Variants in FBXO27 observed in about 807,000 individuals in gnomAD.
The protein encoded by FBXO27 is F-box protein 27.
In FBXO27, 28 loss-of-function variants were observed where a neutral mutation model predicts 28.3. The ratio of observed to expected loss-of-function variants is 0.99; its 90% CI spans 0.73 to 1.36. The LOEUF (loss-of-function observed/expected upper bound fraction) is 1.36. FBXO27 is among the 40% of genes most tolerant of loss of function. The probability of loss-of-function intolerance (pLI) is 0.00; values close to 1 mark genes in which losing one functional copy is unlikely to be tolerated. For synonymous variants in FBXO27, 175 were observed against 167.3 expected (o/e 1.05, Z -0.36); for missense variants, 388 against 394.1 (o/e 0.98, Z 0.13).
intron 1 of FBXO27, among the ~76,000 whole-genome samples, chr19:39,015,841 C>T (rs190154268): frequency 1.3e-5 from 2 of 152,018 alleles, no homozygotes; most frequent in East Asian, 1.9e-4. Context: ...GAGGCTCAGG[C>T]GGGTAGATCG....
chr19:39,030,915 C>G, intron 4 of FBXO27, 114 bp downstream of exon 4: 1 of 906,056 alleles, frequency 1.1e-6, no homozygotes, highest in Non-Finnish European at 1.8e-6. Context: ...GCCTGAACTT[C>G]AGATTTTTTA....
intron 2 of FBXO27, 111 bp from the exon 3 acceptor site, chr19:39,031,431 G>T: frequency 2.1e-6 from 2 of 941,504 alleles, no homozygotes; most frequent in South Asian, 1.6e-5. Flanking sequence ...TCACTCACCT[G>T]ACCCTTCCCA....
At position 39,031,889 on chromosome 19, in the gene FBXO27, G is replaced by T; in HGVS notation, c.339C>A (p.Asn113Lys). Residue 113 changes from asparagine (N) to lysine (K), a missense_variant, in exon 2 of 6, where the codon AAC becomes AAA. Coordinates refer to ENST00000292853, the MANE Select transcript of FBXO27 (RefSeq NM_178820.5). The stretch of plus-strand genomic sequence containing the variant: ...CTTGGCCGCAGGGGTTGCGAATAAG[G>T]TTGCGTCCGATGGGTCTGCGCGCGC... ...RFCARRPIGR[N>K]LIRNPCGQEG... The T allele has an allele frequency of 6.7e-7, 1 of 1,496,486 alleles. No individual in the cohort carries two copies. 92.7% of individuals were successfully genotyped at this position (1,496,486 alleles called of 1,614,324 possible).
intron 2 of FBXO27, among the ~76,000 whole-genome samples, chr19:39,011,699 AG>A (rs1045189775): frequency 4.0e-3 from 32 of 8,070 alleles, no homozygotes; most frequent in East Asian, 0.033. Flanking sequence ...GCGGCGGGGG[AG>A]GGGGGGTCTC....
downstream of FBXO27, among the ~76,000 whole-genome samples, chr19:39,021,604 G>A (rs543312378): frequency 2.6e-5 from 4 of 152,064 alleles, no homozygotes; most frequent in Admixed American, 6.6e-5. Flanking sequence ...TGTTATCAGC[G>A]AGGCTTCTGG....
At chr19:39,031,399 T>TC (rs2072902623) in intron 2 of FBXO27, 79 bp from the exon 3 acceptor site, 1 of 1,234,262 alleles carries the variant, frequency 8.1e-7, no homozygotes, top group African/African-American at 2.0e-5. Context: ...CCCTAGCCCC[T>TC]CCCACGTGCT....
chr19:39,009,893 T>G (rs990360985), intron 2 of FBXO27, among the ~76,000 whole-genome samples: 1 of 151,948 alleles, frequency 6.6e-6, no homozygotes, highest in Non-Finnish European at 1.5e-5. Flanking sequence ...CATTGCAACC[T>G]GCGTCCCCTG....
chr19:39,021,372 A>G (rs566087220), downstream of FBXO27, among the ~76,000 whole-genome samples: 8 of 152,168 alleles, frequency 5.3e-5, no homozygotes, highest in African/African-American at 1.9e-4. Context: ...CACTTTTGCC[A>G]CCTCTAAGAC....
At chr19:39,010,947 C>T (rs536802450) in intron 2 of FBXO27, among the ~76,000 whole-genome samples, 55 of 152,328 alleles carry the variant, frequency 3.6e-4, no homozygotes, top group Admixed American at 1.3e-3. Flanking sequence ...GCTCACTTGT[C>T]CAACATTACT....
Position 39,032,506 on chromosome 19 carries a change from G to A in FBXO27, c.-30C>T, listed in dbSNP as rs561342976. ...GACACCGCACCCCAAGTCCTACCCC[G>A]GGGCCTGGCGGCGCTCCTCGCCGGG... is the stretch of plus-strand genomic sequence containing the variant. On this transcript the variant is annotated 5_prime_UTR_variant, in exon 1 of 6. Coordinates refer to ENST00000292853, the MANE Select transcript of FBXO27 (RefSeq NM_178820.5). The surrounding 1 kb of genome is among the most constrained non-coding windows in gnomAD (Gnocchi z 4.7). The A allele has an allele frequency of 1.6e-5, 6 of 380,966 alleles. No homozygotes were observed. The South Asian group carries it at 2.5e-4, about 16-fold the overall frequency. 23.6% of individuals were successfully genotyped at this position (380,966 alleles called of 1,614,324 possible).
intron 2 of FBXO27, among the ~76,000 whole-genome samples, chr19:39,007,529 G>A (rs1305803459): frequency 1.3e-5 from 2 of 152,094 alleles, no homozygotes; most frequent in African/African-American, 4.8e-5. Context: ...TTGGGAGGAG[G>A]GGAAAGTTCT....
chr19:39,020,378 A>G (rs2072839526), downstream of FBXO27, among the ~76,000 whole-genome samples: 2 of 152,064 alleles, frequency 1.3e-5, no homozygotes, highest in South Asian at 4.1e-4. Flanking sequence ...TTACTTTGAT[A>G]TTAGACAGTG....
intron 2 of FBXO27, among the ~76,000 whole-genome samples, chr19:39,011,364 G>A (rs1004304324): frequency 1.3e-5 from 2 of 152,164 alleles, no homozygotes; most frequent in Non-Finnish European, 2.9e-5. Context: ...CCTGGGAGGC[G>A]GAGGTTGCAG....
intron 2 of FBXO27, among the ~76,000 whole-genome samples, chr19:39,013,666 A>G (rs1297292027): frequency 6.6e-6 from 1 of 151,454 alleles, no homozygotes; most frequent in Non-Finnish European, 1.5e-5. Context: ...AATAAAAAGA[A>G]AGAAATATAG....
chr19:39,025,895 G>A (rs1037033060), intron 5 of FBXO27, among the ~76,000 whole-genome samples: 11 of 152,098 alleles, frequency 7.2e-5, no homozygotes, highest in African/African-American at 2.7e-4. Flanking sequence ...GCACGTGCCT[G>A]TAGTCCCATC....
At chr19:39,031,384 C>G in intron 2 of FBXO27, 64 bp from the exon 3 acceptor site, 3 of 1,477,076 alleles carry the variant, frequency 2.0e-6, no homozygotes, top group Non-Finnish European at 2.8e-6. Flanking sequence ...CTAGTGAGAC[C>G]CCGCCCCTAG....
chr19:39,019,487 A>C, downstream of FBXO27, among the ~76,000 whole-genome samples: 1 of 145,484 alleles, frequency 6.9e-6, no homozygotes, highest in Admixed American at 7.1e-5. Context: ...ACATACCTAT[A>C]GACTCTAATA....
chr19:39,032,272 C>A lies in FBXO27; in HGVS notation c.-26-19G>T. Reference sequence around the variant, plus strand: ...GCTGTGGCTGCGGGAGAGGAAGGGTCAAGGCGTCAGGGACCAGCAGCCTCC... The same window carrying A: ...GCTGTGGCTGCGGGAGAGGAAGGGTAAAGGCGTCAGGGACCAGCAGCCTCC... On this transcript the variant is annotated intron_variant, in intron 1 of 5. Coordinates refer to ENST00000292853, the MANE Select transcript of FBXO27 (RefSeq NM_178820.5). This position sits in a 1 kb window ranked among gnomAD's most constrained non-coding sequence, Gnocchi z 4.7. The A allele has an allele frequency of 7.1e-7, 1 of 1,399,254 alleles. No individual in the cohort carries two copies. 86.7% of individuals were successfully genotyped at this position (1,399,254 alleles called of 1,614,324 possible). A position where few individuals can be genotyped will look rare whatever the true frequency, so the allele number is the denominator to read the frequency against.
At chr19:39,018,587 G>A (rs1251444960) in intron 1 of FBXO27, among the ~76,000 whole-genome samples, 3 of 152,070 alleles carry the variant, frequency 2.0e-5, no homozygotes, top group Non-Finnish European at 2.9e-5. Context: ...ATGACATTAC[G>A]AGAGAGTTGA....
Sources: allele counts gnomAD v4.1 joint callset (sites outside exome capture counted in the v4.1 genomes callset), GRCh38; gene constraint gnomAD v4.1.1; non-coding constraint Gnocchi (gnomAD v3.1); transcripts MANE v1.5; gene names NCBI Gene and HGNC (gene_info 2026-07-23, HGNC 2026-07-21).